The following ANKMY2 variants were observed in gnomAD, a reference collection of about 807,000 sequenced individuals.
The protein encoded by ANKMY2 is ankyrin repeat and MYND domain-containing protein 2.
ANKMY2 carries 36 observed loss-of-function variants against 50.4 expected under a neutral mutation model. The observed-to-expected ratio is 0.71, with a 90% confidence interval of 0.55 to 0.94. ANKMY2 has a LOEUF of 0.94. Among genes scored for constraint, ANKMY2 ranks in the 40% least tolerant of loss-of-function variants. The pLI, the probability that ANKMY2 is intolerant of heterozygous loss-of-function variation, is 0.00. For synonymous variants in ANKMY2, 187 were observed against 178.8 expected (o/e 1.05, Z -0.36); for missense variants, 565 against 524.0 (o/e 1.08, Z -0.76).
At chr7:16,604,904 C>G in intron 7 of ANKMY2, 55 bp from the exon 8 acceptor site, 2 of 1,547,648 alleles carry the variant, frequency 1.3e-6, no homozygotes, top group Non-Finnish European at 1.7e-6. Context: ...CATGGAAACA[C>G]TACAGAGGTA....
At chr7:16,641,442 A>G (rs888682773) in intron 1 of ANKMY2, among the ~76,000 whole-genome samples, 1 of 152,234 alleles carries the variant, frequency 6.6e-6, no homozygotes, top group Admixed American at 6.5e-5. Flanking sequence ...AATGAAGACA[A>G]TGAAGCCCAT....
chr7:16,622,750 GAATAAATAAATA>G (rs146183196), intron 4 of ANKMY2, among the ~76,000 whole-genome samples: 2,385 of 133,592 alleles, frequency 0.018, 62 homozygotes, highest in African/African-American at 0.058. Flanking sequence ...AAAAATAAAT[GAATAAATAAATA>G]AATAAATAAA....
chr7:16,605,904 T>C (rs1338344251), intron 7 of ANKMY2, among the ~76,000 whole-genome samples: 1 of 151,826 alleles, frequency 6.6e-6, no homozygotes, highest in African/African-American at 2.4e-5. Context: ...AGGATGGTCT[T>C]GATCTCCTGA....
Position 16,609,827 on chromosome 7 carries a change from A to C in ANKMY2, c.747-62T>G, listed in dbSNP as rs1781218861. On this transcript the variant is annotated intron_variant, in intron 6 of 9. Coordinates refer to ENST00000306999, the MANE Select transcript of ANKMY2 (RefSeq NM_020319.3). ...TCACTAAGCATTCTCTCCTAGTTGA[A>C]CCCAACAGTTTTTAGTAGTTTCTTC... 18 of 1,562,282 alleles carry C rather than the reference A, an allele frequency of 1.2e-5. No individual in the cohort carries two copies. The South Asian group carries it at 2.1e-4, about 19-fold the overall frequency.
intron 7 of ANKMY2, among the ~76,000 whole-genome samples, chr7:16,606,969 C>T (rs2128342079): frequency 6.6e-6 from 1 of 152,258 alleles, no homozygotes; most frequent in African/African-American, 2.4e-5. Context: ...TTAGCACTGT[C>T]AGAAAACAAC....
At chr7:16,644,672 A>C (rs763254003) in intron 1 of ANKMY2, 11 of 471,006 alleles carry the variant, frequency 2.3e-5, no homozygotes, top group Non-Finnish European at 4.4e-5. Context: ...GCATGCAGTC[A>C]CGCTGATGTC....
intron 1 of ANKMY2, among the ~76,000 whole-genome samples, chr7:16,643,473 G>A (rs1781772616): frequency 6.6e-6 from 1 of 152,074 alleles, no homozygotes; most frequent in Non-Finnish European, 1.5e-5. Context: ...CACATACTAG[G>A]TCCACATCAG....
At chr7:16,606,140 A>C (rs1480018533) in intron 7 of ANKMY2, among the ~76,000 whole-genome samples, 1 of 150,650 alleles carries the variant, frequency 6.6e-6, no homozygotes, top group African/African-American at 2.4e-5. Flanking sequence ...TACAAAGAAA[A>C]TTATAAGGGG....
intron 5 of ANKMY2, among the ~76,000 whole-genome samples, chr7:16,613,846 G>T (rs543760016): frequency 6.8e-6 from 1 of 146,098 alleles, no homozygotes; most frequent in South Asian, 2.2e-4. Flanking sequence ...TGAGGCAGGA[G>T]AATCGCTTTA....
chr7:16,634,698 G>A (rs75010324), intron 2 of ANKMY2, among the ~76,000 whole-genome samples: 1 of 152,156 alleles, frequency 6.6e-6, no homozygotes, highest in Admixed American at 6.5e-5. Flanking sequence ...GTTCCCACCA[G>A]CCAGGCTTGA....
chr7:16,637,660 G>C (rs1260650251), intron 1 of ANKMY2, among the ~76,000 whole-genome samples: 2 of 152,232 alleles, frequency 1.3e-5, no homozygotes, highest in African/African-American at 4.8e-5. Context: ...ATGCGAGCCA[G>C]TTCTACATGA....
rs1305137567 is a variant in ANKMY2, at chr7:16,625,073, C to CT, written c.279dup (p.Asp94ArgfsTer12). On this transcript the variant is annotated frameshift_variant, in exon 4 of 10. Coordinates refer to ENST00000306999, the MANE Select transcript of ANKMY2 (RefSeq NM_020319.3). LOFTEE classifies it high-confidence loss of function. ...GCTTCTAACATTACCCATGTGATGT[C>CT]TTTATTACCTAGAGTTTTAAAGGGA... The CT allele has an allele frequency of 2.5e-6, 4 of 1,612,410 alleles. No individual in the cohort carries two copies. The highest frequency in any genetic ancestry group is 3.4e-6 in the Non-Finnish European group (4 of 1,178,660).
At chr7:16,610,288 G>A (rs1050103663) in intron 6 of ANKMY2, among the ~76,000 whole-genome samples, 4 of 152,146 alleles carry the variant, frequency 2.6e-5, no homozygotes, top group African/African-American at 9.7e-5. Context: ...TCTTACACAT[G>A]TTATTTAACC....
In ANKMY2 at chr7:16,600,498, G is replaced by C. The variant is rs184032790; in HGVS notation, c.*263C>G. 2.9e-3 allele frequency: 821 copies of C among 286,742 alleles called. 2 individuals are homozygous for C. The highest frequency in any genetic ancestry group is 0.017 in the South Asian group (103 of 6,086). 17.8% of individuals were successfully genotyped at this position (286,742 alleles called of 1,614,324 possible). The stretch of plus-strand genomic sequence containing the variant: ...CTTTGAAACAATTGCTGGAAAGCCA[G>C]CCTCAGAAAGGTAATAGGAATGTTT... On this transcript the variant is annotated 3_prime_UTR_variant, in exon 10 of 10. Transcript: ENST00000306999.
chr7:16,613,312 T>C (rs1293155909), intron 5 of ANKMY2, among the ~76,000 whole-genome samples: 1 of 152,192 alleles, frequency 6.6e-6, no homozygotes, highest in Admixed American at 6.5e-5. Context: ...TTTTAAAAGC[T>C]GTTTAACATT....
At chr7:16,641,764 ATGT>A (rs1343590190) in intron 1 of ANKMY2, among the ~76,000 whole-genome samples, 1 of 152,182 alleles carries the variant, frequency 6.6e-6, no homozygotes, top group Non-Finnish European at 1.5e-5. Context: ...CAAAATCATA[ATGT>A]TGAATGAAAG....
chr7:16,611,757 C>T (rs886925969), intron 5 of ANKMY2, among the ~76,000 whole-genome samples: 12 of 152,208 alleles, frequency 7.9e-5, no homozygotes, highest in African/African-American at 2.9e-4. Flanking sequence ...ACCTATTTTA[C>T]ATACACCTAC....
chr7:16,636,402 A>C lies in ANKMY2; in HGVS notation c.121T>G (p.Cys41Gly). 2 of 1,603,292 alleles carry C rather than the reference A, an allele frequency of 1.2e-6. No homozygotes were observed. The highest frequency in any genetic ancestry group is 2.2e-5 in the South Asian group (2 of 89,112). The change falls in exon 2 of 10, where the codon TGT (cysteine) becomes GGT (glycine). Residue 41 changes from cysteine to glycine, a missense_variant. Transcript: ENST00000306999. The stretch of plus-strand genomic sequence containing the variant: ...TTCTAAAATCTTACCTCGTCCAAAC[A>C]GTTGACACGAACATTCTTGCTGGAT... ...LLSSKNVRVN[C>G]LDENGMTPLM...
At chr7:16,637,058 A>T (rs1021370785) in intron 1 of ANKMY2, among the ~76,000 whole-genome samples, 26 of 152,200 alleles carry the variant, frequency 1.7e-4, no homozygotes, top group African/African-American at 6.0e-4. Flanking sequence ...AGAAGCTATA[A>T]TTGGGCCAAA....
Sources: allele counts gnomAD v4.1 joint callset (sites outside exome capture counted in the v4.1 genomes callset), GRCh38; gene constraint gnomAD v4.1.1; transcripts MANE v1.5; gene names NCBI Gene and HGNC (gene_info 2026-07-23, HGNC 2026-07-21).